SGCZ: variants seen among roughly 807,000 people sequenced by gnomAD.
SGCZ encodes the protein zeta-sarcoglycan.
A neutral mutation model predicts 41.3 loss-of-function variants in SGCZ; 40 were observed. The observed-to-expected ratio is 0.97, with a 90% CI of 0.75 to 1.26. SGCZ has a LOEUF of 1.26. SGCZ is among the 50% of genes most tolerant of loss of function. The pLI, the probability that SGCZ is intolerant of heterozygous loss-of-function variation, is 0.00. For missense variants in SGCZ, 552 were observed against 369.8 expected, an observed-to-expected ratio of 1.49 and a Z score of -4.04; for synonymous variants, 206 against 137.5, an observed-to-expected ratio of 1.50 and a Z score of -3.49.
intron 1 of SGCZ, among the ~76,000 whole-genome samples, chr8:15,115,068 C>A (rs1174006917): frequency 1.3e-5 from 2 of 151,990 alleles, no homozygotes; most frequent in African/African-American, 4.8e-5. Context: ...AAGCTTAGCA[C>A]CTTGAAACAG....
At chr8:14,174,595 G>A (rs1804486830) in intron 4 of SGCZ, among the ~76,000 whole-genome samples, 1 of 152,012 alleles carries the variant, frequency 6.6e-6, no homozygotes, top group African/African-American at 2.4e-5. Flanking sequence ...TAGTGAATAT[G>A]CAGAACACCA....
intron 1 of SGCZ, among the ~76,000 whole-genome samples, chr8:15,114,530 T>C (rs1408583618): frequency 1.3e-5 from 2 of 152,254 alleles, no homozygotes; most frequent in African/African-American, 4.8e-5. Flanking sequence ...CTTGAATCAC[T>C]ATTTGATTAA....
At chr8:14,522,386 G>C (rs1802816627) in intron 2 of SGCZ, among the ~76,000 whole-genome samples, 1 of 151,888 alleles carries the variant, frequency 6.6e-6, no homozygotes, top group South Asian at 2.1e-4. Context: ...TATTTTATTG[G>C]TGATATTTGC....
At chr8:14,923,831 A>C (rs1028073531) in intron 1 of SGCZ, among the ~76,000 whole-genome samples, 2 of 152,228 alleles carry the variant, frequency 1.3e-5, no homozygotes, top group Non-Finnish European at 2.9e-5. Context: ...AACTAAAATG[A>C]AATTACAGAC....
chr8:15,005,306 C>T (rs1424425820), intron 1 of SGCZ, among the ~76,000 whole-genome samples: 1 of 131,400 alleles, frequency 7.6e-6, no homozygotes, highest in African/African-American at 2.8e-5. Context: ...CCCCACGCCC[C>T]CTCCCCCGTT....
chr8:15,014,270 C>T (rs944677315), intron 1 of SGCZ, among the ~76,000 whole-genome samples: 13 of 152,140 alleles, frequency 8.5e-5, no homozygotes, highest in African/African-American at 2.7e-4. Flanking sequence ...AAGCCAGTTC[C>T]ATGGAGGCCA....
At chr8:14,125,159 A>G (rs1445767664) in intron 5 of SGCZ, among the ~76,000 whole-genome samples, 2 of 152,156 alleles carry the variant, frequency 1.3e-5, no homozygotes, top group African/African-American at 4.8e-5. Flanking sequence ...AAGAAATGGG[A>G]AAACATTCCA....
At chr8:14,092,674 T>G (rs1423469018) in intron 7 of SGCZ, among the ~76,000 whole-genome samples, 1 of 152,022 alleles carries the variant, frequency 6.6e-6, no homozygotes, top group Non-Finnish European at 1.5e-5. Context: ...CCCTTTCACT[T>G]GGTTCTCTCC....
intron 3 of SGCZ, among the ~76,000 whole-genome samples, chr8:14,299,849 A>G (rs911162267): frequency 1.3e-5 from 2 of 148,806 alleles, no homozygotes; most frequent in African/African-American, 4.9e-5. Flanking sequence ...GAAAAAGAAT[A>G]TAGTATCTTT....
chr8:14,471,049 A>G lies in SGCZ; in HGVS notation c.234+83683T>C, dbSNP rs1024273560. 3.8e-4 allele frequency among the ~76,000 whole-genome samples: 58 copies of G among 152,306 alleles called. 1 individual carries two copies. Among genetic ancestry groups the G allele is most frequent in the African/African-American group, 1.3e-3 (55 of 41,578 alleles). On this transcript the variant is annotated intron_variant, in intron 2 of 7. Transcript: ENST00000382080. ...TTTCATTTATTTGAATACTTTGGAA[A>G]AAAACACATTCTCAGCCAGACACTT...
intron 1 of SGCZ, among the ~76,000 whole-genome samples, chr8:14,560,006 G>C (rs184331691): frequency 1.1e-3 from 168 of 152,106 alleles, no homozygotes; most frequent in Middle Eastern, 6.8e-3. Context: ...GAGGAATTTG[G>C]TAGAAATTTC....
At chr8:14,794,503 C>A (rs1381496285) in intron 1 of SGCZ, among the ~76,000 whole-genome samples, 1 of 151,968 alleles carries the variant, frequency 6.6e-6, no homozygotes, top group East Asian at 1.9e-4. Context: ...CCAGAATGTA[C>A]AACAAATATC....
intron 2 of SGCZ, among the ~76,000 whole-genome samples, chr8:14,549,236 G>C (rs957774905): frequency 1.3e-5 from 2 of 151,986 alleles, no homozygotes; most frequent in Non-Finnish European, 2.9e-5. Context: ...AGTAAATGGA[G>C]ATTCAAAGGA....
chr8:15,046,269 T>C (rs1276003185), intron 1 of SGCZ, among the ~76,000 whole-genome samples: 7 of 152,088 alleles, frequency 4.6e-5, no homozygotes, highest in Non-Finnish European at 7.4e-5. Context: ...AAGTGCTAGA[T>C]AAACAAGTAT....
At chr8:14,193,264 A>AT (rs1440396000) in intron 4 of SGCZ, among the ~76,000 whole-genome samples, 1 of 151,660 alleles carries the variant, frequency 6.6e-6, no homozygotes, top group African/African-American at 2.4e-5. Flanking sequence ...TTTGTGATAT[A>AT]TTTTTTTCAT....
chr8:14,889,241 A>C (rs1404954281), intron 1 of SGCZ, among the ~76,000 whole-genome samples: 1 of 151,258 alleles, frequency 6.6e-6, no homozygotes, highest in African/African-American at 2.4e-5. Flanking sequence ...TTTGAATTCC[A>C]CCCTCTCAGC....
At chr8:14,179,271 C>T (rs1210486058) in intron 4 of SGCZ, among the ~76,000 whole-genome samples, 1 of 152,166 alleles carries the variant, frequency 6.6e-6, no homozygotes, top group African/African-American at 2.4e-5. Context: ...ATGTGGTGCC[C>T]CCTGTACATG....
At chr8:14,148,943 TCC>T in intron 5 of SGCZ, among the ~76,000 whole-genome samples, 1 of 152,054 alleles carries the variant, frequency 6.6e-6, no homozygotes, top group Non-Finnish European at 1.5e-5. Flanking sequence ...AACCACATGA[TCC>T]TATCAATAGA....
chr8:15,174,563 C>A (rs1339450792), intron 1 of SGCZ, among the ~76,000 whole-genome samples: 1 of 152,132 alleles, frequency 6.6e-6, no homozygotes, highest in Non-Finnish European at 1.5e-5. Flanking sequence ...AAGAATTTCT[C>A]TCAGAATTTT....
Sources: allele counts gnomAD v4.1 joint callset (sites outside exome capture counted in the v4.1 genomes callset), GRCh38; gene constraint gnomAD v4.1.1; transcripts MANE v1.5; gene names NCBI Gene and HGNC (gene_info 2026-07-23, HGNC 2026-07-21).